BACH2: variants seen among roughly 807,000 people sequenced by gnomAD.
BACH2 encodes the protein BACH transcriptional regulator 2, also known as transcription regulator protein BACH2.
Under a neutral mutation model 61.8 loss-of-function variants are expected in BACH2, and 5 were observed. The observed-to-expected ratio is 0.08, with a 90% CI of 0.04 to 0.17. The LOEUF (loss-of-function observed/expected upper bound fraction) is 0.17, where lower values mean the gene tolerates loss of function less well. Ranked by LOEUF, BACH2 falls within the 10% of genes least tolerant of loss-of-function variation. The probability of loss-of-function intolerance (pLI) is 1.00; values close to 1 mark genes in which losing one functional copy is unlikely to be tolerated. For synonymous variants in BACH2, 446 were observed against 440.1 expected (o/e 1.01, Z -0.17); for missense variants, 824 against 1,091.1 (o/e 0.76, Z 3.45).
At chr6:89,977,902 A>G (rs1304698528) in intron 6 of BACH2, among the ~76,000 whole-genome samples, 1 of 152,184 alleles carries the variant, frequency 6.6e-6, no homozygotes, top group Non-Finnish European at 1.5e-5. Context: ...GCCTCTGGGA[A>G]AAGTGCTGAG....
intron 5 of BACH2, among the ~76,000 whole-genome samples, chr6:90,079,605 G>A (rs944405193): frequency 4.6e-5 from 7 of 152,114 alleles, no homozygotes; most frequent in Admixed American, 3.9e-4. Context: ...TTTAAACAGA[G>A]ACAAATTATT....
intron 5 of BACH2, among the ~76,000 whole-genome samples, chr6:90,009,550 C>G (rs1473435956): frequency 6.6e-6 from 1 of 152,184 alleles, no homozygotes; most frequent in Non-Finnish European, 1.5e-5. Flanking sequence ...TGATGTACAT[C>G]CCCTTTAAGG....
intron 4 of BACH2, among the ~76,000 whole-genome samples, chr6:90,181,553 T>C (rs549620621): frequency 2.3e-4 from 35 of 152,288 alleles, no homozygotes; most frequent in African/African-American, 8.4e-4. Context: ...TACAGCTATA[T>C]AATATTACAT....
intron 1 of BACH2, among the ~76,000 whole-genome samples, chr6:90,277,829 A>G (rs1771742082): frequency 6.6e-6 from 1 of 152,242 alleles, no homozygotes; most frequent in African/African-American, 2.4e-5. Context: ...CCAACAGCAA[A>G]GATCAAATGA....
At chr6:90,135,231 A>G (rs1784230835) in intron 4 of BACH2, among the ~76,000 whole-genome samples, 2 of 152,134 alleles carry the variant, frequency 1.3e-5, no homozygotes. Flanking sequence ...GACACAGCCA[A>G]CTAAAACCTT....
intron 4 of BACH2, among the ~76,000 whole-genome samples, chr6:90,152,461 A>G (rs1056411705): frequency 2.0e-5 from 3 of 152,166 alleles, no homozygotes. Flanking sequence ...TAATCAGACT[A>G]TTTTTCAGCC....
intron 3 of BACH2, among the ~76,000 whole-genome samples, chr6:90,215,448 T>C (rs1381118835): frequency 2.6e-5 from 4 of 152,312 alleles, no homozygotes; most frequent in Non-Finnish European, 5.9e-5. Context: ...CTAAGGCCAG[T>C]GGCATCAATG....
intron 6 of BACH2, among the ~76,000 whole-genome samples, chr6:89,994,732 G>A (rs2127776133): frequency 6.6e-6 from 1 of 152,234 alleles, no homozygotes; most frequent in South Asian, 2.1e-4. Context: ...TCCTTTTCCT[G>A]ATCTTCCTTC....
chr6:90,091,239 C>T (rs1308638028), intron 4 of BACH2, among the ~76,000 whole-genome samples: 1 of 152,130 alleles, frequency 6.6e-6, no homozygotes, highest in Non-Finnish European at 1.5e-5. Flanking sequence ...AGCATCTAAA[C>T]GAAGCAGAGA....
rs527530797 is a variant in BACH2, at chr6:90,108,022, G to C, written c.-161-18913C>G. ...CATATCTATTTATTTCTCCTACTGA[G>C]AACTATATAAGACAAGAGGATGTTA... On this transcript the variant is annotated intron_variant, in intron 4 of 8. Transcript: ENST00000257749. Among the ~76,000 whole-genome samples the C allele has an allele frequency of 2.0e-5, 3 of 152,194 alleles. No individual in the cohort carries two copies. The East Asian group carries it at 5.8e-4, about 29-fold the overall frequency.
At chr6:90,123,713 T>C (rs1458023020) in intron 4 of BACH2, among the ~76,000 whole-genome samples, 9 of 123,956 alleles carry the variant, frequency 7.3e-5, no homozygotes, top group African/African-American at 2.3e-4. Flanking sequence ...GAGCTTGCAG[T>C]GAGCCGAGAT....
chr6:90,129,375 G>A lies in BACH2; in HGVS notation c.-161-40266C>T, dbSNP rs142226079. ...ACGGGGTACATGTGCAGAATGTGCA[G>A]GTTTGTTACACAGGTGTACACGTGC... On this transcript the variant is annotated intron_variant, in intron 4 of 8. Coordinates refer to ENST00000257749, the MANE Select transcript of BACH2 (RefSeq NM_021813.4). Among the ~76,000 whole-genome samples, 219 of 152,240 alleles carry A rather than the reference G, an allele frequency of 1.4e-3. 1 individual carries two copies. The highest frequency in any genetic ancestry group is 3.2e-3 in the Admixed American group (49 of 15,288).
At chr6:90,045,386 C>T (rs1779728635) in intron 5 of BACH2, among the ~76,000 whole-genome samples, 1 of 152,102 alleles carries the variant, frequency 6.6e-6, no homozygotes, top group Admixed American at 6.6e-5. Flanking sequence ...AGGCTGGAAC[C>T]CATGAGAGTG....
intron 3 of BACH2, among the ~76,000 whole-genome samples, chr6:90,231,409 C>T (rs1253703008): frequency 6.6e-6 from 1 of 152,130 alleles, no homozygotes; most frequent in East Asian, 1.9e-4. Context: ...TTCTACTTGA[C>T]CTTAGCAACA....
At chr6:90,061,016 C>G (rs971569614) in intron 5 of BACH2, among the ~76,000 whole-genome samples, 1 of 151,986 alleles carries the variant, frequency 6.6e-6, no homozygotes, top group African/African-American at 2.4e-5. Context: ...ACAGAGATAT[C>G]CTTTGGAGTA....
At position 89,930,855 on chromosome 6, in the gene BACH2, G is replaced by A. The variant is rs1350493660; in HGVS notation, c.*1553C>T. On this transcript the variant is annotated 3_prime_UTR_variant, in exon 9 of 9. Coordinates refer to ENST00000257749, the MANE Select transcript of BACH2 (RefSeq NM_021813.4). ...GAAAAACCTCAGAAGAAAACTCCAA[G>A]CCTTTGGAGAAGGAAAGGAGAAAGA... 4 of 152,422 alleles carry A rather than the reference G, an allele frequency of 2.6e-5. No individual in the cohort carries two copies. Among genetic ancestry groups the A allele is most frequent in the Admixed American group, 1.3e-4 (2 of 15,284 alleles). 9.4% of individuals were successfully genotyped at this position (152,422 alleles called of 1,614,324 possible).
At chr6:89,979,316 T>C (rs772321837) in intron 6 of BACH2, among the ~76,000 whole-genome samples, 6 of 152,198 alleles carry the variant, frequency 3.9e-5, no homozygotes, top group Non-Finnish European at 7.3e-5. Context: ...TTGACAAACA[T>C]TCACCAAATG....
intron 4 of BACH2, among the ~76,000 whole-genome samples, chr6:90,095,173 A>T (rs1229965304): frequency 1.3e-5 from 2 of 152,140 alleles, no homozygotes; most frequent in Admixed American, 6.5e-5. Context: ...AGGGGTTCAA[A>T]AGGAAAGAGG....
intron 4 of BACH2, among the ~76,000 whole-genome samples, chr6:90,165,767 A>G (rs1369765134): frequency 6.6e-6 from 1 of 152,162 alleles, no homozygotes; most frequent in Admixed American, 6.5e-5. Flanking sequence ...ATCTACAACC[A>G]TCTGATCTTT....
Sources: gnomAD v4.1 joint callset for allele counts (sites outside exome capture counted in the v4.1 genomes callset) on GRCh38, gnomAD v4.1.1 for gene constraint, MANE v1.5 for transcripts, NCBI Gene and HGNC (gene_info 2026-07-23, HGNC 2026-07-21) for gene names.